The following TMTC1 variants were observed in gnomAD, a reference collection of about 807,000 sequenced individuals.
The protein encoded by TMTC1 is protein O-mannosyl-transferase TMTC1.
TMTC1 carries 73 observed loss-of-function variants against 104.8 expected under a neutral mutation model. The observed-to-expected ratio is 0.70, with a 90% confidence interval of 0.58 to 0.85. The LOEUF (loss-of-function observed/expected upper bound fraction) is 0.85, where lower values mean the gene tolerates loss of function less well. TMTC1 is among the 40% of genes least tolerant of loss of function. The pLI is 0.00. For synonymous variants in TMTC1, 434 were observed against 428.7 expected (o/e 1.01, Z -0.15); for missense variants, 1,035 against 1,096.1 (o/e 0.94, Z 0.79).
intron 6 of TMTC1, among the ~76,000 whole-genome samples, chr12:29,627,228 C>T (rs1938047782): frequency 6.6e-6 from 1 of 152,086 alleles, no homozygotes; most frequent in African/African-American, 2.4e-5. Context: ...GGTTTAATAT[C>T]CTGAATATAT....
Position 29,713,599 on chromosome 12 carries a change from C to T in TMTC1, c.938+38067G>A, listed in dbSNP as rs115804516. 6.8e-3 allele frequency among the ~76,000 whole-genome samples: 1,032 copies of T among 152,228 alleles called. 10 individuals are homozygous for T. Among genetic ancestry groups the T allele is most frequent in the African/African-American group, 0.023 (949 of 41,548 alleles). On this transcript the variant is annotated intron_variant, in intron 5 of 17. Transcript: ENST00000539277. Reference sequence around the variant, plus strand: ...TATCACATATCACCACCGATCTCATCAAAAGACTTTTGGTAGTGGTAGGCT... The same window carrying T: ...TATCACATATCACCACCGATCTCATTAAAAGACTTTTGGTAGTGGTAGGCT...
At chr12:29,550,523 A>G (rs1945066726) in intron 10 of TMTC1, among the ~76,000 whole-genome samples, 1 of 151,990 alleles carries the variant, frequency 6.6e-6, no homozygotes, top group Non-Finnish European at 1.5e-5. Flanking sequence ...TGTCAGCGGG[A>G]ATGAGAGAGT....
intron 5 of TMTC1, among the ~76,000 whole-genome samples, chr12:29,746,389 C>T (rs530449241): frequency 1.3e-5 from 2 of 152,276 alleles, no homozygotes; most frequent in South Asian, 2.1e-4. Context: ...TAGATTTGTT[C>T]TGTCACCTGC....
intron 3 of TMTC1, 28 bp from the exon 4 acceptor site, chr12:29,755,913 A>G: frequency 1.2e-6 from 2 of 1,607,664 alleles, no homozygotes; most frequent in Non-Finnish European, 1.7e-6. Context: ...GATTCTTTTA[A>G]TCTAAGAAAG....
intron 5 of TMTC1, among the ~76,000 whole-genome samples, chr12:29,664,227 AAAAAT>A (rs1555184184): frequency 2.2e-4 from 33 of 151,318 alleles, no homozygotes; most frequent in South Asian, 8.3e-4. Flanking sequence ...AAAAAATAAA[AAAAAT>A]AAAATAAAAT....
chr12:29,568,125 G>T (rs1945569120), intron 9 of TMTC1, among the ~76,000 whole-genome samples: 1 of 152,158 alleles, frequency 6.6e-6, no homozygotes, highest in East Asian at 1.9e-4. Context: ...TCTATGTTAT[G>T]CATTAAACAT....
intron 17 of TMTC1, among the ~76,000 whole-genome samples, chr12:29,508,985 C>T (rs932263354): frequency 8.5e-5 from 13 of 152,178 alleles, no homozygotes; most frequent in Admixed American, 2.6e-4. Flanking sequence ...ACTGTGTTCA[C>T]TTGATGGCCA....
Position 29,518,734 on chromosome 12 carries a change from T to A in TMTC1, c.1889-127A>T, listed in dbSNP as rs12297667. ...AGAGTTATACCAAAATTATTCAATA[T>A]GCAAATTAGCTTGCATTTCAGCTTC... On this transcript the variant is annotated intron_variant, in intron 12 of 17. Coordinates refer to ENST00000539277, the MANE Select transcript of TMTC1 (RefSeq NM_001193451.2). The A allele has an allele frequency of 2.5e-3, 3,074 of 1,209,584 alleles. 39 individuals carry two copies. The African/African-American group carries it at 0.035, about 14-fold the overall frequency. 74.9% of individuals were successfully genotyped at this position (1,209,584 alleles called of 1,614,324 possible).
At chr12:29,574,923 T>C (rs772884442) in intron 8 of TMTC1, among the ~76,000 whole-genome samples, 58 of 152,148 alleles carry the variant, frequency 3.8e-4, no homozygotes, top group Non-Finnish European at 2.2e-4. Flanking sequence ...AATAAGGCTG[T>C]CCAAATACCA....
rs146463669 is a variant in TMTC1 at position 29,673,744 on chromosome 12, C to CTTTTTTTTTTTTTTTTTTTTT, written c.939-40429_939-40409dup. On this transcript the variant is annotated intron_variant, in intron 5 of 17. Coordinates refer to ENST00000539277, the MANE Select transcript of TMTC1 (RefSeq NM_001193451.2). ...GATGCTATGGCTGCCAGAGGGACTT[C>CTTTTTTTTTTTTTTTTTTTTT]TTTTTTTTTTTTTTTTTTTTTTTTT... Among the ~76,000 whole-genome samples the CTTTTTTTTTTTTTTTTTTTTT allele has an allele frequency of 2.6e-4, 25 of 95,738 alleles. 2 individuals carry two copies. The highest frequency in any genetic ancestry group is 3.9e-4 in the South Asian group (1 of 2,554). 62.8% of individuals were successfully genotyped at this position (95,738 alleles called of 152,430 possible).
intron 5 of TMTC1, among the ~76,000 whole-genome samples, chr12:29,676,648 T>C (rs1322482369): frequency 6.6e-6 from 1 of 152,220 alleles, no homozygotes; most frequent in Non-Finnish European, 1.5e-5. Context: ...CCAGGAGCGA[T>C]GCACTGGGCA....
intron 5 of TMTC1, among the ~76,000 whole-genome samples, chr12:29,697,117 T>C (rs1941446681): frequency 6.6e-6 from 1 of 152,248 alleles, no homozygotes; most frequent in Non-Finnish European, 1.5e-5. Context: ...TGACAGGTTC[T>C]CAATATGTAT....
chr12:29,770,832 T>A (rs117733437), intron 1 of TMTC1, among the ~76,000 whole-genome samples: 2,599 of 152,268 alleles, frequency 0.017, 40 homozygotes, highest in South Asian at 0.039. Flanking sequence ...CTACGTGTGA[T>A]CACAGAGAAA....
chr12:29,656,318 G>GGATA (rs1725390534), intron 5 of TMTC1, among the ~76,000 whole-genome samples: 1 of 114,776 alleles, frequency 8.7e-6, no homozygotes, highest in African/African-American at 3.6e-5. Context: ...AAATTTCCCT[G>GGATA]GATATATATA....
intron 10 of TMTC1, among the ~76,000 whole-genome samples, chr12:29,548,957 C>A (rs1945022246): frequency 2.2e-5 from 3 of 138,852 alleles, no homozygotes; most frequent in African/African-American, 2.6e-5. Flanking sequence ...ATATGTATGA[C>A]ATATTTAAAT....
chr12:29,683,922 C>T (rs1941007238), intron 5 of TMTC1, among the ~76,000 whole-genome samples: 1 of 151,826 alleles, frequency 6.6e-6, no homozygotes, highest in South Asian at 2.1e-4. Flanking sequence ...CGGCTCACTG[C>T]AACCTCCGTC....
chr12:29,578,913 C>G (rs1945899369), intron 8 of TMTC1, among the ~76,000 whole-genome samples: 1 of 152,210 alleles, frequency 6.6e-6, no homozygotes, highest in African/African-American at 2.4e-5. Context: ...ATGGATAGTA[C>G]TTATGGAATG....
At chr12:29,768,152 C>A in intron 1 of TMTC1, 77 bp from the exon 2 acceptor site, 1 of 1,035,994 alleles carries the variant, frequency 9.7e-7, no homozygotes, top group Non-Finnish European at 1.4e-6. Context: ...CAGACGGAAT[C>A]CATCATTTAA....
chr12:29,695,791 TTTTATATATATA>T (rs1200386948), intron 5 of TMTC1, among the ~76,000 whole-genome samples: 33 of 95,272 alleles, frequency 3.5e-4, no homozygotes, highest in African/African-American at 6.3e-4. Flanking sequence ...ACTACTTCCT[TTTTATATATATA>T]TATATATATA....
Sources: allele counts gnomAD v4.1 joint callset (sites outside exome capture counted in the v4.1 genomes callset), GRCh38; gene constraint gnomAD v4.1.1; transcripts MANE v1.5; gene names NCBI Gene and HGNC (gene_info 2026-07-23, HGNC 2026-07-21).